Variants in HDAC9 observed in about 807,000 individuals in gnomAD.
The protein encoded by HDAC9 is histone deacetylase 9, also known as MEF-2 interacting transcription repressor (MITR) protein.
In HDAC9, 41 loss-of-function variants were observed where a neutral mutation model predicts 139.4. The ratio of observed to expected loss-of-function variants is 0.29; its 90% CI spans 0.23 to 0.38. The LOEUF is 0.38. Ranked by LOEUF, HDAC9 falls within the 10% of genes least tolerant of loss-of-function variation. HDAC9 has a pLI of 1.00. For missense variants in HDAC9, 1,147 were observed against 1,297.0 expected (o/e 0.88, Z 1.78); for synonymous variants, 517 against 476.2 (o/e 1.09, Z -1.12).
intron 2 of HDAC9, among the ~76,000 whole-genome samples, chr7:18,511,721 T>A (rs533275673): frequency 1.3e-5 from 2 of 152,204 alleles, no homozygotes; most frequent in Non-Finnish European, 2.9e-5. Flanking sequence ...AACCAACAGG[T>A]AACAGAGATT....
chr7:18,993,329 A>G (rs1353381945), intron 25 of HDAC9, among the ~76,000 whole-genome samples: 1 of 152,202 alleles, frequency 6.6e-6, no homozygotes, highest in Admixed American at 6.5e-5. Context: ...GAGGGCAAGT[A>G]AGGGATTATT....
intron 13 of HDAC9, among the ~76,000 whole-genome samples, chr7:18,739,152 G>T (rs773571462): frequency 2.0e-5 from 3 of 152,146 alleles, no homozygotes; most frequent in Non-Finnish European, 4.4e-5. Context: ...ATTCTAGTTA[G>T]CCATTCATCT....
chr7:18,133,574 CAT>C (rs1402238532), intron 1 of HDAC9, among the ~76,000 whole-genome samples: 3 of 152,232 alleles, frequency 2.0e-5, no homozygotes, highest in African/African-American at 4.8e-5. Context: ...ATAGGATGCA[CAT>C]GTTATTCAGC....
At chr7:18,651,133 A>T (rs1178925425) in intron 11 of HDAC9, among the ~76,000 whole-genome samples, 1 of 152,176 alleles carries the variant, frequency 6.6e-6, no homozygotes, top group East Asian at 1.9e-4. Flanking sequence ...ATTGGGTCAG[A>T]TTCATAACTT....
chr7:18,222,570 C>T (rs1792779951), intron 2 of HDAC9, among the ~76,000 whole-genome samples: 1 of 152,052 alleles, frequency 6.6e-6, no homozygotes, highest in Non-Finnish European at 1.5e-5. Flanking sequence ...GTGAATGTTT[C>T]CCATAATCTT....
chr7:18,508,825 C>T (rs993781719), intron 2 of HDAC9, among the ~76,000 whole-genome samples: 1 of 152,182 alleles, frequency 6.6e-6, no homozygotes, highest in African/African-American at 2.4e-5. Context: ...ATCACACAGG[C>T]ATTTACTGTG....
chr7:18,422,748 A>ACACG (rs1789754899), intron 1 of HDAC9, among the ~76,000 whole-genome samples: 1 of 115,546 alleles, frequency 8.7e-6, no homozygotes, highest in South Asian at 2.8e-4. Context: ...ACACGCGCAC[A>ACACG]CACACACACA....
chr7:18,342,820 A>G (rs898766887), intron 1 of HDAC9, among the ~76,000 whole-genome samples: 2 of 151,802 alleles, frequency 1.3e-5, no homozygotes, highest in African/African-American at 2.4e-5. Context: ...TTCAATTTCT[A>G]TTTCTATTAA....
At chr7:18,565,925 T>G (rs1332567020) in intron 2 of HDAC9, among the ~76,000 whole-genome samples, 1 of 152,156 alleles carries the variant, frequency 6.6e-6, no homozygotes, top group East Asian at 1.9e-4. Context: ...TTTCTGTTTC[T>G]TTATTAAGCA....
chr7:18,870,560 C>G (rs1459921035), intron 21 of HDAC9, among the ~76,000 whole-genome samples: 1 of 152,042 alleles, frequency 6.6e-6, no homozygotes, highest in Non-Finnish European at 1.5e-5. Context: ...TTCTTCATTT[C>G]AAAGTTTCTG....
intron 1 of HDAC9, among the ~76,000 whole-genome samples, chr7:18,371,490 G>A (rs1784589165): frequency 6.6e-6 from 1 of 152,014 alleles, no homozygotes; most frequent in South Asian, 2.1e-4. Context: ...TCTAGTATAA[G>A]ATAGTCTATT....
intron 17 of HDAC9, among the ~76,000 whole-genome samples, chr7:18,811,220 T>G (rs1278851963): frequency 6.6e-6 from 1 of 151,568 alleles, no homozygotes; most frequent in Non-Finnish European, 1.5e-5. Context: ...TAATATTCGT[T>G]ACTTTTTTTC....
chr7:18,221,373 G>T (rs371945805), intron 2 of HDAC9, among the ~76,000 whole-genome samples: 1 of 152,110 alleles, frequency 6.6e-6, no homozygotes, highest in African/African-American at 2.4e-5. Flanking sequence ...GCAAAGTGCT[G>T]GGATTACAGG....
intron 1 of HDAC9, among the ~76,000 whole-genome samples, chr7:18,298,280 GTT>G (rs869168141): frequency 2.1e-5 from 3 of 144,680 alleles, no homozygotes; most frequent in African/African-American, 7.5e-5. Context: ...ACATTTTTAT[GTT>G]TTTTTTTTTT....
At chr7:18,404,754 A>G (rs942071483) in intron 1 of HDAC9, among the ~76,000 whole-genome samples, 23 of 152,364 alleles carry the variant, frequency 1.5e-4, no homozygotes, top group Non-Finnish European at 1.5e-5. Flanking sequence ...CAGTATATTT[A>G]TGGTCACAAA....
intron 12 of HDAC9, among the ~76,000 whole-genome samples, chr7:18,682,367 T>A (rs1227603315): frequency 6.6e-6 from 1 of 152,054 alleles, no homozygotes; most frequent in African/African-American, 2.4e-5. Flanking sequence ...TATAGTTCTT[T>A]GTGTATGATT....
At chr7:18,177,285 G>T (rs771077764) in intron 2 of HDAC9, among the ~76,000 whole-genome samples, 104 of 152,320 alleles carry the variant, frequency 6.8e-4, no homozygotes, top group Non-Finnish European at 1.4e-3. Flanking sequence ...AAGACGGATG[G>T]ATCTGTGTCT....
intron 2 of HDAC9, among the ~76,000 whole-genome samples, chr7:18,181,698 A>T (rs185784995): frequency 1.3e-5 from 2 of 151,916 alleles, no homozygotes; most frequent in African/African-American, 4.8e-5. Flanking sequence ...TTTACAAACT[A>T]CTCATACCTG....
chr7:18,831,196 G>C (rs1262615460), intron 19 of HDAC9, among the ~76,000 whole-genome samples: 1 of 152,128 alleles, frequency 6.6e-6, no homozygotes, highest in South Asian at 2.1e-4. Flanking sequence ...GGTTCTAGGA[G>C]GATAGTCAAA....
Sources: allele counts gnomAD v4.1 joint callset (sites outside exome capture counted in the v4.1 genomes callset), GRCh38; gene constraint gnomAD v4.1.1; transcripts MANE v1.5; gene names NCBI Gene and HGNC (gene_info 2026-07-23, HGNC 2026-07-21).